HIVEP1: variants seen among roughly 807,000 people sequenced by gnomAD.
HIVEP1 encodes the protein zinc finger protein 40.
Under a neutral mutation model 180.0 loss-of-function variants are expected in HIVEP1, and 36 were observed. The observed-to-expected ratio is 0.20, with a 90% CI of 0.15 to 0.26. HIVEP1 has a LOEUF of 0.26. Among genes scored for constraint, HIVEP1 ranks in the 10% least tolerant of loss-of-function variants. The probability of loss-of-function intolerance (pLI) is 1.00; values close to 1 mark genes in which losing one functional copy is unlikely to be tolerated. For synonymous variants in HIVEP1, 1,239 were observed against 1,239.0 expected, an observed-to-expected ratio of 1.00 and a Z score of 0.00; for missense variants, 3,143 against 3,268.7, an observed-to-expected ratio of 0.96 and a Z score of 0.94.
chr6:12,131,365 T>G (rs896150254), intron 6 of HIVEP1, among the ~76,000 whole-genome samples: 64 of 152,084 alleles, frequency 4.2e-4, no homozygotes, highest in African/African-American at 1.5e-3. Context: ...TAAACTTCTA[T>G]AATAATTACA....
At chr6:12,051,001 C>CATATATATATATATATATATATATATAT (rs1161977899) in intron 2 of HIVEP1, among the ~76,000 whole-genome samples, 1 of 77,598 alleles carries the variant, frequency 1.3e-5, no homozygotes, top group Non-Finnish European at 2.6e-5. Flanking sequence ...TACACAAGTG[C>CATATATATATATATATATATATATATAT]ATATATATAT....
intron 7 of HIVEP1, among the ~76,000 whole-genome samples, chr6:12,140,129 G>A (rs901072500): frequency 3.3e-5 from 5 of 152,174 alleles, no homozygotes; most frequent in Non-Finnish European, 5.9e-5. Flanking sequence ...CCTCTGGGGC[G>A]AAGCTTCCAG....
At chr6:12,114,236 T>G (rs1166174894) in intron 3 of HIVEP1, among the ~76,000 whole-genome samples, 1 of 152,226 alleles carries the variant, frequency 6.6e-6, no homozygotes, top group Non-Finnish European at 1.5e-5. Context: ...AGAACCCCGC[T>G]GACACTGCTT....
At chr6:12,166,405 A>G (rs1175901647), downstream of HIVEP1, among the ~76,000 whole-genome samples, 1 of 152,186 alleles carries the variant, frequency 6.6e-6, no homozygotes, top group East Asian at 1.9e-4. Context: ...AATTTTCATA[A>G]TGCTGTAATG....
chr6:12,109,645 T>G (rs1774756281), intron 3 of HIVEP1, among the ~76,000 whole-genome samples: 1 of 152,240 alleles, frequency 6.6e-6, no homozygotes, highest in South Asian at 2.1e-4. Context: ...TCTGCTTCTC[T>G]TGCTGTTTCC....
chr6:12,108,764 G>A (rs1056482498), intron 3 of HIVEP1, among the ~76,000 whole-genome samples: 1 of 152,126 alleles, frequency 6.6e-6, no homozygotes, highest in Admixed American at 6.5e-5. Flanking sequence ...TCCCGCTCGC[G>A]CCTCTCCCTC....
In HIVEP1 at chr6:12,163,962, CCTTA is replaced by C; in HGVS notation, c.7659_7662del (p.Leu2554SerfsTer7). The C allele has an allele frequency of 6.2e-7, 1 of 1,614,122 alleles. No homozygotes were observed. Among genetic ancestry groups the C allele is most frequent in the Non-Finnish European group, 8.5e-7 (1 of 1,180,010 alleles). Reference sequence around the variant, plus strand: ...CAGATCTTGAACATAGCATTGCCCACCTTAATCCCCTCAGTCAGTCAAGTAGCCG... The same window carrying C: ...CAGATCTTGAACATAGCATTGCCCACATCCCCTCAGTCAGTCAAGTAGCCG... On this transcript the variant is annotated frameshift_variant, in exon 9 of 9. Transcript: ENST00000379388. LOFTEE classifies it low-confidence loss of function (END_TRUNC).
At chr6:12,117,830 C>T (rs567294641) in intron 3 of HIVEP1, among the ~76,000 whole-genome samples, 1 of 152,272 alleles carries the variant, frequency 6.6e-6, no homozygotes, top group South Asian at 2.1e-4. Flanking sequence ...TAATAGCCTC[C>T]TGGCTTTCAC....
chr6:12,106,073 T>TAC (rs913345774), intron 3 of HIVEP1, among the ~76,000 whole-genome samples: 1 of 151,642 alleles, frequency 6.6e-6, no homozygotes, highest in Non-Finnish European at 1.5e-5. Context: ...TACATATATA[T>TAC]ACACACACAC....
the HIVEP1 span, among the ~76,000 whole-genome samples, chr6:12,204,410 T>A: frequency 6.6e-6 from 1 of 152,024 alleles, no homozygotes; most frequent in Admixed American, 6.6e-5. Flanking sequence ...CCCGCTTCCC[T>A]CAACCCTCAT....
chr6:12,166,547 T>C (rs148847965), downstream of HIVEP1, among the ~76,000 whole-genome samples: 10 of 152,354 alleles, frequency 6.6e-5, no homozygotes, highest in African/African-American at 2.4e-4. Flanking sequence ...TTGCTAGTAT[T>C]TGAAATATGC....
Position 12,106,063 on chromosome 6 carries a change from T to C in HIVEP1, c.95-13827T>C, listed in dbSNP as rs534669970. Among the ~76,000 whole-genome samples, 69 of 151,766 alleles carry C rather than the reference T, an allele frequency of 4.5e-4. 1 individual carries two copies. The highest frequency in any genetic ancestry group is 7.0e-3 in the Middle Eastern group (2 of 286). On this transcript the variant is annotated intron_variant, in intron 3 of 8. Coordinates refer to ENST00000379388, the MANE Select transcript of HIVEP1 (RefSeq NM_002114.4). ...ACATATATATACACACACACATATA[T>C]ACATATATATACACACACACATATA...
chr6:12,135,887 A>G lies in HIVEP1; in HGVS notation c.6482A>G (p.Glu2161Gly). Residue 2161 changes from glutamate (E) to glycine (G), a missense_variant, in exon 7 of 9, where the codon GAA becomes GGA. Physicochemically the swap from Glu to Gly is moderately conservative, Grantham distance 98 (BLOSUM62 -2). Around this residue, in one of 12 missense-constraint regions of HIVEP1, gnomAD observed 126 missense variants for 168.5 expected, o/e 0.75. Coordinates refer to ENST00000379388, the MANE Select transcript of HIVEP1 (RefSeq NM_002114.4). ...TTAATAGATGAACAGGATACAGAAGAATCAGGTAAGGCTTTATACCATATT... is the reference window on the plus strand; with the variant it reads ...TTAATAGATGAACAGGATACAGAAGGATCAGGTAAGGCTTTATACCATATT... The part of the protein sequence containing the change: ...VGLIDEQDTE[E>G]SDEKQRFSYE... 1 of 1,594,454 alleles carries G rather than the reference A, an allele frequency of 6.3e-7. No individual in the cohort carries two copies. The highest frequency in any genetic ancestry group is 8.6e-7 in the Non-Finnish European group (1 of 1,162,708).
intron 7 of HIVEP1, among the ~76,000 whole-genome samples, chr6:12,159,793 G>A (rs1760289942): frequency 6.6e-6 from 1 of 152,108 alleles, no homozygotes; most frequent in Non-Finnish European, 1.5e-5. Flanking sequence ...CATGCTAACA[G>A]AACCTAAATG....
At chr6:12,153,272 A>T (rs1227259575) in intron 7 of HIVEP1, among the ~76,000 whole-genome samples, 2 of 152,182 alleles carry the variant, frequency 1.3e-5, no homozygotes, top group Admixed American at 1.3e-4. Flanking sequence ...ATGATTCTGT[A>T]GTTAGATTTT....
intron 2 of HIVEP1, among the ~76,000 whole-genome samples, chr6:12,075,670 T>C (rs528911452): frequency 3.2e-4 from 49 of 152,108 alleles, no homozygotes; most frequent in South Asian, 2.3e-3. Context: ...TCCATTTACC[T>C]ATCGTTCAGC....
At chr6:12,027,360 A>G (rs770773018) in intron 2 of HIVEP1, among the ~76,000 whole-genome samples, 4 of 152,220 alleles carry the variant, frequency 2.6e-5, no homozygotes, top group Non-Finnish European at 5.9e-5. Flanking sequence ...GAAGAAGTCC[A>G]CTTACTTGTG....
intron 2 of HIVEP1, among the ~76,000 whole-genome samples, chr6:12,021,004 C>T (rs559219745): frequency 1.2e-4 from 18 of 151,160 alleles, no homozygotes; most frequent in African/African-American, 4.1e-4. Flanking sequence ...CATTCTCCTG[C>T]CTCAGCCTCC....
At chr6:12,069,182 C>G (rs1017841642) in intron 2 of HIVEP1, among the ~76,000 whole-genome samples, 2 of 152,192 alleles carry the variant, frequency 1.3e-5, no homozygotes, top group Admixed American at 1.3e-4. Flanking sequence ...TATGGTATAG[C>G]CTATCGCTCC....
Sources: gnomAD v4.1 joint callset for allele counts (sites outside exome capture counted in the v4.1 genomes callset) on GRCh38, gnomAD v4.1.1 for gene constraint, gnomAD v4.1.1 regional missense constraint, MANE v1.5 for transcripts, NCBI Gene and HGNC (gene_info 2026-07-23, HGNC 2026-07-21) for gene names.